The following PCDH10 variants were observed in gnomAD, a reference collection of about 807,000 sequenced individuals.
The protein encoded by PCDH10 is protocadherin-10.
PCDH10 carries 15 observed loss-of-function variants against 74.4 expected under a neutral mutation model. The ratio of observed to expected loss-of-function variants is 0.20; its 90% CI spans 0.13 to 0.31. The LOEUF is 0.31. PCDH10 is among the 10% of genes least tolerant of loss of function. The probability of loss-of-function intolerance (pLI) is 1.00; values close to 1 mark genes in which losing one functional copy is unlikely to be tolerated. For missense variants in PCDH10, 1,260 were observed against 1,390.2 expected, an observed-to-expected ratio of 0.91 and a Z score of 1.49; for synonymous variants, 619 against 589.8, an observed-to-expected ratio of 1.05 and a Z score of -0.72.
rs1727941141 is a variant in PCDH10 at position 133,203,330 on chromosome 4, T to TC, written n.438-4742dup. ...CTTCTTTTTCTTTCTTTTTTGTTTTTCCCCTCTATACTCTGCTCATAGTTA... is the reference window on the plus strand; with the variant it reads ...CTTCTTTTTCTTTCTTTTTTGTTTTTCCCCCTCTATACTCTGCTCATAGTTA... On this transcript the variant is annotated intron_variant and non_coding_transcript_variant, in intron 2 of 2. Transcript: ENST00000511112. 2.6e-5 allele frequency among the ~76,000 whole-genome samples: 4 copies of TC among 152,258 alleles called. No individual in the cohort carries two copies. The South Asian group carries it at 8.3e-4, about 32-fold the overall frequency.
chr4:133,199,289 A>AAATAATAATAAT (rs70957501), downstream of PCDH10, among the ~76,000 whole-genome samples: 3,295 of 136,632 alleles, frequency 0.024, 45 homozygotes, highest in East Asian at 0.037. Flanking sequence ...CCCTGTCTCA[A>AAATAATAATAAT]AATAATAATA....
rs1470923510 is a variant in PCDH10 at position 133,163,272 on chromosome 4, A to G, written c.3093A>G (p.Pro1031=). ...LLTNTRAPYK[P]PYLTRKRIC ...CTAATACGCGAGCGCCTTACAAACC[A>G]CCATATTTGAGTAAGTATTACACAA... The change falls in exon 4 of 5, where the codon CCA becomes CCG. Residue 1031 remains proline, a synonymous_variant. Coordinates refer to ENST00000264360, the MANE Select transcript of PCDH10 (RefSeq NM_032961.3). 1 of 1,609,180 alleles carries G rather than the reference A, an allele frequency of 6.2e-7. No individual in the cohort carries two copies. Among genetic ancestry groups the G allele is most frequent in the Non-Finnish European group, 8.5e-7 (1 of 1,177,538 alleles).
intron 2 of PCDH10, among the ~76,000 whole-genome samples, chr4:133,200,595 C>T (rs28555107): frequency 6.6e-5 from 10 of 151,946 alleles, no homozygotes; most frequent in Non-Finnish European, 1.0e-4. Flanking sequence ...AGCAATTAAT[C>T]TTATTTTCTA....
intron 4 of PCDH10, among the ~76,000 whole-genome samples, chr4:133,171,065 G>A (rs990273471): frequency 7.9e-5 from 12 of 151,788 alleles, no homozygotes; most frequent in African/African-American, 2.9e-4. Context: ...GATGAAACAG[G>A]TTTCTGGTTC....
In PCDH10 at chr4:133,151,437, G is replaced by C. The variant is rs745519747; in HGVS notation, c.1297G>C (p.Val433Leu). 1 of 1,613,792 alleles carries C rather than the reference G, an allele frequency of 6.2e-7. No homozygotes were observed. Among genetic ancestry groups the C allele is most frequent in the Admixed American group, 1.7e-5 (1 of 60,008 alleles). The change falls in exon 1 of 5, where the codon GTA becomes CTA. Residue 433 changes from valine to leucine, a missense_variant. Physicochemically the swap from Val to Leu is conservative, Grantham distance 32. Around this residue, in one of 11 missense-constraint regions of PCDH10, gnomAD observed 112 missense variants for 123.6 expected, o/e 0.91. Coordinates refer to ENST00000264360, the MANE Select transcript of PCDH10 (RefSeq NM_032961.3). ...GGCGGGGGACTCCTACACCCTGACTGTAGTGGCTCGGGACCGGGGCGAGCC... is the reference window on the plus strand; with the variant it reads ...GGCGGGGGACTCCTACACCCTGACTCTAGTGGCTCGGGACCGGGGCGAGCC... ...REAGDSYTLT[V>L]VARDRGEPAL...
At chr4:133,154,073 A>G (rs963121399) in intron 1 of PCDH10, among the ~76,000 whole-genome samples, 6 of 152,184 alleles carry the variant, frequency 3.9e-5, no homozygotes, top group African/African-American at 1.2e-4. Flanking sequence ...ACACATTTAA[A>G]GTTAGCCAAT....
At chr4:133,179,565 A>G (rs1327820111) in intron 4 of PCDH10, among the ~76,000 whole-genome samples, 1 of 152,186 alleles carries the variant, frequency 6.6e-6, no homozygotes, top group Non-Finnish European at 1.5e-5. Flanking sequence ...ATTCATCTGC[A>G]TGACCGTCTC....
intron 4 of PCDH10, among the ~76,000 whole-genome samples, chr4:133,174,757 G>A (rs548066028): frequency 8.3e-4 from 125 of 151,220 alleles, no homozygotes; most frequent in Non-Finnish European, 1.5e-3. Flanking sequence ...TAATGATTGA[G>A]GAAATCTATA....
Position 133,152,713 on chromosome 4 carries a change from C to G in PCDH10, c.2573C>G (p.Thr858Ser), listed in dbSNP as rs746741861. 2 of 1,614,234 alleles carry G rather than the reference C, an allele frequency of 1.2e-6. No homozygotes were observed. Among genetic ancestry groups the G allele is most frequent in the Non-Finnish European group, 1.7e-6 (2 of 1,180,054 alleles). The change falls in exon 1 of 5, where the codon ACC becomes AGC. Residue 858 changes from threonine (T) to serine (S), a missense_variant. By Grantham distance (58) the Thr-to-Ser change is moderately conservative. This residue lies in a region of PCDH10 where 587 missense variants were observed against 616.9 expected (regional missense o/e 0.95). Transcript: ENST00000264360. ...TEHNPCGAIV[T>S]GYTDQQPDII... Reference sequence around the variant, plus strand: ...CACAACCCCTGCGGGGCCATCGTCACCGGTTACACCGACCAGCAGCCTGAT... The same window carrying G: ...CACAACCCCTGCGGGGCCATCGTCAGCGGTTACACCGACCAGCAGCCTGAT...
Position 133,152,880 on chromosome 4 carries a change from CT to C in PCDH10, c.2631+111del, listed in dbSNP as rs779608039. On this transcript the variant is annotated intron_variant, in intron 1 of 4. Transcript: ENST00000264360. ...ACTGTATCTATTTTTAGGATATTAGCTTATGTGTATCGTTGTGGGAGCAGAG... is the reference window on the plus strand; with the variant it reads ...ACTGTATCTATTTTTAGGATATTAGCTATGTGTATCGTTGTGGGAGCAGAG... The C allele has an allele frequency of 6.6e-5, 100 of 1,506,684 alleles. No homozygotes were observed. The East Asian group carries it at 1.0e-3, about 15-fold the overall frequency. 93.3% of individuals were successfully genotyped at this position (1,506,684 alleles called of 1,614,324 possible). A position where few individuals can be genotyped will look rare whatever the true frequency, so the allele number is the denominator to read the frequency against.
chr4:133,167,790 G>A (rs1251230013), intron 4 of PCDH10, among the ~76,000 whole-genome samples: 1 of 150,864 alleles, frequency 6.6e-6, no homozygotes, highest in Non-Finnish European at 1.5e-5. Flanking sequence ...ACAGTTTTAT[G>A]GCCTTAGAAA....
In PCDH10 at chr4:133,150,935, A is replaced by G. The variant is rs575638492; in HGVS notation, c.795A>G (p.Pro265=). The change falls in exon 1 of 5, where the codon CCA becomes CCG. Residue 265 remains proline, a synonymous_variant. Coordinates refer to ENST00000264360, the MANE Select transcript of PCDH10 (RefSeq NM_032961.3). The part of the protein sequence containing the change: ...YTVSLPENSP[P]GTLVIQLNAT... ...TGTCCCTACCAGAGAACTCTCCCCC[A>G]GGCACTCTCGTGATCCAGCTCAACG... 17 of 1,613,746 alleles carry G rather than the reference A, an allele frequency of 1.1e-5. No homozygotes were observed. The highest frequency in any genetic ancestry group is 1.7e-5 in the Admixed American group (1 of 60,008).
At chr4:133,180,550 T>C (rs1727395319) in intron 4 of PCDH10, among the ~76,000 whole-genome samples, 1 of 152,034 alleles carries the variant, frequency 6.6e-6, no homozygotes, top group African/African-American at 2.4e-5. Context: ...ATGAGATATG[T>C]AGGTAGTTTT....
intron 4 of PCDH10, among the ~76,000 whole-genome samples, chr4:133,165,519 A>G (rs1727060742): frequency 6.6e-6 from 1 of 151,808 alleles, no homozygotes; most frequent in South Asian, 2.1e-4. Flanking sequence ...CAGAATAGAA[A>G]TAGTGTCATC....
chr4:133,208,214 C>A (rs1355369218), exon 3 of PCDH10: 1 of 152,200 alleles, frequency 6.6e-6, no homozygotes, highest in African/African-American at 2.4e-5. Context: ...GACAGTTTGA[C>A]TGCAACCTTT....
At chr4:133,200,348 T>C (rs1368371157) in intron 2 of PCDH10, among the ~76,000 whole-genome samples, 1 of 151,920 alleles carries the variant, frequency 6.6e-6, no homozygotes, top group Non-Finnish European at 1.5e-5. Flanking sequence ...ACAGGTTAAC[T>C]CAAACCTTCT....
intron 2 of PCDH10, among the ~76,000 whole-genome samples, chr4:133,203,489 T>C (rs1416120473): frequency 1.3e-5 from 2 of 152,160 alleles, no homozygotes; most frequent in Non-Finnish European, 2.9e-5. Context: ...TGCTATGCCA[T>C]AGGGGTGTCA....
At chr4:133,199,755 G>GT (rs1727864615) in intron 2 of PCDH10, among the ~76,000 whole-genome samples, 1 of 146,690 alleles carries the variant, frequency 6.8e-6, no homozygotes, top group African/African-American at 2.5e-5. Flanking sequence ...CTCCACAGTT[G>GT]TTTTTAATTA....
At chr4:133,167,033 C>T (rs890299662) in intron 4 of PCDH10, among the ~76,000 whole-genome samples, 1 of 151,286 alleles carries the variant, frequency 6.6e-6, no homozygotes, top group Non-Finnish European at 1.5e-5. Flanking sequence ...TAGACTAGTC[C>T]AAGTATACTA....
Sources: gnomAD v4.1 joint callset for allele counts (sites outside exome capture counted in the v4.1 genomes callset) on GRCh38, gnomAD v4.1.1 for gene constraint, gnomAD v4.1.1 regional missense constraint, MANE v1.5 for transcripts, NCBI Gene and HGNC (gene_info 2026-07-23, HGNC 2026-07-21) for gene names.